Variants in MYH3 observed in about 807,000 individuals in gnomAD.
MYH3 encodes myosin-3.
MYH3 carries 130 observed loss-of-function variants against 238.0 expected under a neutral mutation model. The ratio of observed to expected loss-of-function variants is 0.55; its 90% CI spans 0.47 to 0.63. The LOEUF is 0.63. MYH3 is among the 30% of genes least tolerant of loss of function. MYH3 has a pLI of 0.00. For missense variants in MYH3, 1,853 were observed against 2,374.9 expected (o/e 0.78, Z 4.57); for synonymous variants, 880 against 924.1 (o/e 0.95, Z 0.86).
At chr17:10,676,448 T>C in the MYH3 span, 4 of 152,094 alleles carry the variant, frequency 2.6e-5, no homozygotes, top group Non-Finnish European at 4.4e-5. Context: ...ATGCTGGGAA[T>C]GGGCTGGGGT....
chr17:10,633,728 A>T lies in MYH3; in HGVS notation c.4523-13T>A, dbSNP rs573340718. On this transcript the variant is annotated splice_polypyrimidine_tract_variant and intron_variant, in intron 32 of 40. Coordinates refer to ENST00000583535, the MANE Select transcript of MYH3 (RefSeq NM_002470.4). Reference sequence around the variant, plus strand: ...TCTGCTATCTCCTCTGTAAAGAAGTAAGTTTCAGTTGCATATGAGCGCCTC... The same window carrying T: ...TCTGCTATCTCCTCTGTAAAGAAGTTAGTTTCAGTTGCATATGAGCGCCTC... 5.6e-6 allele frequency: 9 copies of T among 1,613,722 alleles called. No homozygotes were observed. Among genetic ancestry groups the T allele is most frequent in the Non-Finnish European group, 7.6e-6 (9 of 1,179,978 alleles).
chr17:10,669,903 C>T, the MYH3 span, among the ~76,000 whole-genome samples: 2 of 152,054 alleles, frequency 1.3e-5, no homozygotes, highest in South Asian at 4.1e-4. Context: ...AGACTGAGAC[C>T]CTGTCTCAAA....
At chr17:10,660,912 G>C (rs1475847998), upstream of MYH3, among the ~76,000 whole-genome samples, 9 of 151,496 alleles carry the variant, frequency 5.9e-5, no homozygotes, top group Admixed American at 1.3e-4. Flanking sequence ...TTGAACCCAG[G>C]AGGCAGACAT....
Position 10,652,400 on chromosome 17 carries a change from C to G in MYH3, c.348+20G>C. 1 of 1,613,462 alleles carries G rather than the reference C, an allele frequency of 6.2e-7. No individual in the cohort carries two copies. Among genetic ancestry groups the G allele is most frequent in the Non-Finnish European group, 8.5e-7 (1 of 1,179,820 alleles). ...CATATCTAATGCCCCAGGGAAACCA[C>G]GTCGAAAGCCCTCGCTGACATAGAT... On this transcript the variant is annotated intron_variant, in intron 4 of 40. Transcript: ENST00000583535.
At chr17:10,632,357 G>T in intron 34 of MYH3, 119 bp downstream of exon 34, 1 of 1,172,994 alleles carries the variant, frequency 8.5e-7, no homozygotes. Context: ...GGGCTCAAGT[G>T]AGCCTCTTGC....
At chr17:10,655,644 G>A (rs564431190) in intron 2 of MYH3, among the ~76,000 whole-genome samples, 18 of 151,808 alleles carry the variant, frequency 1.2e-4, no homozygotes, top group African/African-American at 4.1e-4. Flanking sequence ...CTCCTCTCCC[G>A]CCTGACCTGT....
chr17:10,651,363 G>A, intron 5 of MYH3, 149 bp downstream of exon 5: 1 of 1,415,748 alleles, frequency 7.1e-7, no homozygotes. Context: ...CCTACATGAT[G>A]CAGCCCCTTT....
intron 1 of MYH3, 53 bp from the exon 2 acceptor site, chr17:10,656,201 A>G (rs1278748015): frequency 1.3e-5 from 2 of 152,154 alleles, no homozygotes; most frequent in African/African-American, 4.8e-5. Flanking sequence ...GGCTGCGTCC[A>G]TGTAGAATCG....
rs73281077 is a variant in MYH3 at position 10,633,564 on chromosome 17, C to T, written c.4647+27G>A. On this transcript the variant is annotated intron_variant, in intron 33 of 40. Coordinates refer to ENST00000583535, the MANE Select transcript of MYH3 (RefSeq NM_002470.4). ...CCGTGGCTCACCATGGCTGCATCTG[C>T]GCCTGAGCCTGCCTCCCAGCACTCA... The T allele has an allele frequency of 3.0e-3, 4,808 of 1,611,132 alleles. 142 individuals are homozygous for T. In the African/African-American group the frequency reaches 0.057, roughly 19 times the overall value.
At chr17:10,646,806 G>A (rs1555526979) in intron 10 of MYH3, among the ~76,000 whole-genome samples, 1 of 152,182 alleles carries the variant, frequency 6.6e-6, no homozygotes, top group Non-Finnish European at 1.5e-5. Context: ...CCAGCACTGT[G>A]GGAGGCCGAG....
At chr17:10,655,758 A>G (rs543549391) in intron 2 of MYH3, among the ~76,000 whole-genome samples, 1 of 151,326 alleles carries the variant, frequency 6.6e-6, no homozygotes, top group African/African-American at 2.4e-5. Context: ...TTCAAGCGAT[A>G]CTCCTGCCTC....
At chr17:10,668,989 A>C in the MYH3 span, among the ~76,000 whole-genome samples, 1 of 152,138 alleles carries the variant, frequency 6.6e-6, no homozygotes, top group African/African-American at 2.4e-5. Context: ...TTTGTTTCTT[A>C]TCTCCTCTGA....
At chr17:10,634,300 C>A in intron 31 of MYH3, 118 bp from the exon 32 acceptor site, 1 of 1,204,572 alleles carries the variant, frequency 8.3e-7, no homozygotes. Context: ...ACTTGCCTGG[C>A]TCCTTGTTGT....
rs774426434 is a variant in MYH3 at position 10,635,527 on chromosome 17, G to T, written c.4012C>A (p.Arg1338Ser). The T allele has an allele frequency of 1.9e-6, 3 of 1,614,226 alleles. No homozygotes were observed. In the Admixed American group the frequency reaches 5.0e-5, roughly 27 times the overall value. Residue 1338 changes from arginine to serine, a missense_variant, in exon 30 of 41, where the codon CGC (arginine) becomes AGC (serine). By Grantham distance (110) the Arg-to-Ser change is moderately radical (BLOSUM62 -1). Coordinates refer to ENST00000583535, the MANE Select transcript of MYH3 (RefSeq NM_002470.4). ...NALAHALQSS[R>S]HDCDLLREQY... ...TCCCGCAGCAGGTCACAGTCGTGGC[G>T]GGAGGACTGCAGGGCGTGCGCCAGG... is the stretch of plus-strand genomic sequence containing the variant.
the MYH3 span, chr17:10,673,715 A>G: frequency 4.6e-5 from 7 of 152,338 alleles, no homozygotes; most frequent in South Asian, 1.4e-3. Context: ...GAATGCCTAC[A>G]TGGAAAGACT....
At chr17:10,664,851 A>C in the MYH3 span, among the ~76,000 whole-genome samples, 2 of 152,200 alleles carry the variant, frequency 1.3e-5, no homozygotes, top group Non-Finnish European at 2.9e-5. Flanking sequence ...AAGGACAAAA[A>C]AAGGAGGCAG....
At position 10,640,663 on chromosome 17, in the gene MYH3, G is replaced by A. The variant is rs939776584; in HGVS notation, c.2189C>T (p.Ala730Val). ...KQRYRVLNAS[A>V]IPEGQFIDSK... ...GTCAATGAATTGTCCCTCAGGGATT[G>A]CACTGGCATTCAGCACTCGGTATCT... is the stretch of plus-strand genomic sequence containing the variant. The change falls in exon 20 of 41, where the codon GCA (alanine) becomes GTA (valine). Residue 730 changes from alanine to valine, a missense_variant. Ala to Val is a moderately conservative substitution (Grantham distance 64). This residue lies in a region of MYH3 where 678 missense variants were observed against 1,058.9 expected (regional missense o/e 0.64). Transcript: ENST00000583535. 4 of 1,614,068 alleles carry A rather than the reference G, an allele frequency of 2.5e-6. No homozygotes were observed. The highest frequency in any genetic ancestry group is 2.7e-5 in the African/African-American group (2 of 74,942).
chr17:10,676,870 A>G, the MYH3 span: 1 of 152,272 alleles, frequency 6.6e-6, no homozygotes, highest in African/African-American at 2.4e-5. Context: ...GGAAAAGTAT[A>G]TAGAAAATAA....
intron 19 of MYH3, 123 bp from the exon 20 acceptor site, chr17:10,640,809 G>T: frequency 1.6e-6 from 2 of 1,274,006 alleles, no homozygotes; most frequent in African/African-American, 1.5e-5. Flanking sequence ...GAGGGAACTA[G>T]CTCGGAGTCA....
Sources: gnomAD v4.1 joint callset for allele counts (sites outside exome capture counted in the v4.1 genomes callset) on GRCh38, gnomAD v4.1.1 for gene constraint, gnomAD v4.1.1 regional missense constraint, MANE v1.5 for transcripts, NCBI Gene and HGNC (gene_info 2026-07-23, HGNC 2026-07-21) for gene names.